Variants in AIF1 observed in about 807,000 individuals in gnomAD.
The protein encoded by AIF1 is allograft inflammatory factor 1.
Under a neutral mutation model 20.6 loss-of-function variants are expected in AIF1, and 21 were observed. The observed-to-expected ratio is 1.02, with a 90% CI of 0.72 to 1.47. The LOEUF is 1.47. Among genes scored for constraint, AIF1 ranks in the 40% most tolerant of loss-of-function variants. The pLI is 0.00. For synonymous variants in AIF1, 52 were observed against 65.8 expected (o/e 0.79, Z 1.01); for missense variants, 161 against 170.5 (o/e 0.94, Z 0.31).
Position 31,615,601 on chromosome 6 carries a change from G to T in AIF1, c.87+19G>T, listed in dbSNP as rs1262412639. 2 of 1,613,742 alleles carry T rather than the reference G, an allele frequency of 1.2e-6. No homozygotes were observed. The highest frequency in any genetic ancestry group is 1.7e-5 in the Admixed American group (1 of 59,968). On this transcript the variant is annotated intron_variant, in intron 2 of 5. Coordinates refer to ENST00000376059, the MANE Select transcript of AIF1 (RefSeq NM_001623.5). ...CAACAAGGTAGAAGGAAGAACTAAG[G>T]GGGCAGAGCCAGGGGGATGGGGCGT...
In AIF1 at chr6:31,615,676, C is replaced by T. The variant is rs148658163; in HGVS notation, c.94C>T (p.Leu32=). The T allele has an allele frequency of 7.8e-5, 126 of 1,613,088 alleles. No individual in the cohort carries two copies. The highest frequency in any genetic ancestry group is 1.7e-4 in the Middle Eastern group (1 of 6,052). ...CTTATTTTCCCCTCCATAGCAATTC[C>T]TAGACGATCCCAAATATAGCAGTGA... The part of the protein sequence containing the change: ...ERLDEINKQF[L]DDPKYSSDED... The change falls in exon 3 of 6, where the codon CTA becomes TTA. Residue 32 remains leucine, a synonymous_variant. Transcript: ENST00000376059.
At chr6:31,615,495 G>C (rs1774244981) in intron 1 of AIF1, 26 bp from the exon 2 acceptor site, 1 of 1,613,700 alleles carries the variant, frequency 6.2e-7, no homozygotes, top group African/African-American at 1.3e-5. Flanking sequence ...AGGGATGAGG[G>C]CTGATTAATT....
At position 31,616,232 on chromosome 6, in the gene AIF1, TTGGGAGGGGGCCCACCTACCACAG is replaced by T; in HGVS notation, c.196+95_197-81del. 6.2e-7 allele frequency: 1 copy of T among 1,613,036 alleles called. No individual in the cohort carries two copies. Among genetic ancestry groups the T allele is most frequent in the Non-Finnish European group, 8.5e-7 (1 of 1,179,974 alleles). On this transcript the variant is annotated intron_variant, in intron 4 of 5. Transcript: ENST00000376059. This position sits in a 1 kb window ranked among gnomAD's most constrained non-coding sequence, Gnocchi z 4.0. Reference sequence around the variant, plus strand: ...TCCTACATGCTCCATTCCTCATGATTTGGGAGGGGGCCCACCTACCACAGTGGGAGGAAGGAGAATGGGGATGCG... The same window carrying T: ...TCCTACATGCTCCATTCCTCATGATTTGGGAGGAAGGAGAATGGGGATGCG...
rs973293415 is a variant in AIF1 at position 31,616,594 on chromosome 6, C to T, written c.359+88C>T. 14 of 1,523,082 alleles carry T rather than the reference C, an allele frequency of 9.2e-6. No homozygotes were observed. Among genetic ancestry groups the T allele is most frequent in the African/African-American group, 8.3e-5 (6 of 72,092 alleles). The allele number at this position is 1,523,082 out of a possible 1,614,324, so 94.3% of individuals were successfully genotyped here. A position where few individuals can be genotyped will look rare whatever the true frequency, so the allele number is the denominator to read the frequency against. On this transcript the variant is annotated intron_variant, in intron 5 of 5. Coordinates refer to ENST00000376059, the MANE Select transcript of AIF1 (RefSeq NM_001623.5). This position sits in a 1 kb window ranked among gnomAD's most constrained non-coding sequence, Gnocchi z 4.0. The stretch of plus-strand genomic sequence containing the variant: ...TGTCCACAGGCTCAACATTTCTACA[C>T]GTTGCCCATCATCCCTTCTTCCATC...
Position 31,616,550 on chromosome 6 carries a change from C to T in AIF1, c.359+44C>T. On this transcript the variant is annotated intron_variant, in intron 5 of 5. Coordinates refer to ENST00000376059, the MANE Select transcript of AIF1 (RefSeq NM_001623.5). The surrounding 1 kb of genome is among the most constrained non-coding windows in gnomAD (Gnocchi z 4.0). ...CCTCCCCTGTACTTACCTGTTTTCT[C>T]CTCCCCCATCCCTACCCTTGTCCAC... The T allele has an allele frequency of 6.4e-7, 1 of 1,556,806 alleles. No homozygotes were observed. Among genetic ancestry groups the T allele is most frequent in the Non-Finnish European group, 8.7e-7 (1 of 1,152,532 alleles).
In AIF1 at chr6:31,616,858, A is replaced by C. The variant is rs777409889; in HGVS notation, c.402A>C (p.Pro134=). The C allele has an allele frequency of 4.2e-5, 67 of 1,614,128 alleles. No homozygotes were observed. The Admixed American group carries it at 9.2e-4, about 22-fold the overall frequency. The part of the protein sequence containing the change: ...YEEKAREKEK[P]TGPPAKKAIS... The stretch of plus-strand genomic sequence containing the variant: ...AAAAAGCGAGAGAAAAGGAAAAGCC[A>C]ACAGGCCCCCCAGCCAAGAAAGCTA... Residue 134 remains proline (P), a synonymous_variant, in exon 6 of 6, where the codon CCA becomes CCC. Coordinates refer to ENST00000376059, the MANE Select transcript of AIF1 (RefSeq NM_001623.5). The surrounding 1 kb of genome is among the most constrained non-coding windows in gnomAD (Gnocchi z 4.0).
chr6:31,615,837 T>C, intron 3 of AIF1, 101 bp downstream of exon 3: 1 of 1,527,020 alleles, frequency 6.5e-7, no homozygotes, highest in Non-Finnish European at 8.8e-7. Flanking sequence ...AAGTTTACTT[T>C]TGTGGTAGCA....
chr6:31,615,845 G>T, intron 3 of AIF1, 109 bp downstream of exon 3: 1 of 1,519,640 alleles, frequency 6.6e-7, no homozygotes, highest in South Asian at 1.2e-5. Flanking sequence ...TTTTGTGGTA[G>T]CAAAAGGGGA....
At position 31,617,010 on chromosome 6, in the gene AIF1, C is replaced by T; in HGVS notation, c.*110C>T. ...CAACAAATTAAATAAATTACCCCCT[C>T]CTCCAGATCAAGTCAGCTTAGTTTT... On this transcript the variant is annotated 3_prime_UTR_variant, in exon 6 of 6. Coordinates refer to ENST00000376059, the MANE Select transcript of AIF1 (RefSeq NM_001623.5). 6.9e-7 allele frequency: 1 copy of T among 1,457,302 alleles called. No homozygotes were observed. The highest frequency in any genetic ancestry group is 1.3e-5 in the South Asian group (1 of 79,850). The allele number at this position is 1,457,302 out of a possible 1,614,324, so 90.3% of individuals were successfully genotyped here. A position where few individuals can be genotyped will look rare whatever the true frequency, so the allele number is the denominator to read the frequency against.
In AIF1 at chr6:31,616,240, G is replaced by C; in HGVS notation, c.196+95G>C. ...GCTCCATTCCTCATGATTTGGGAGG[G>C]GGCCCACCTACCACAGTGGGAGGAA... is the stretch of plus-strand genomic sequence containing the variant. On this transcript the variant is annotated intron_variant, in intron 4 of 5. Transcript: ENST00000376059. This position sits in a 1 kb window ranked among gnomAD's most constrained non-coding sequence, Gnocchi z 4.0. 2 of 1,613,076 alleles carry C rather than the reference G, an allele frequency of 1.2e-6. No homozygotes were observed.
rs973845340 is a variant in AIF1, at chr6:31,616,206, C to T, written c.196+61C>T. 6.2e-7 allele frequency: 1 copy of T among 1,613,124 alleles called. No homozygotes were observed. The highest frequency in any genetic ancestry group is 1.3e-5 in the African/African-American group (1 of 74,924). On this transcript the variant is annotated intron_variant, in intron 4 of 5. Coordinates refer to ENST00000376059, the MANE Select transcript of AIF1 (RefSeq NM_001623.5). This position sits in a 1 kb window ranked among gnomAD's most constrained non-coding sequence, Gnocchi z 4.0. ...TGCAGGCCTAAGAAGACAGAGGTCTCTCCTACATGCTCCATTCCTCATGAT... is the reference window on the plus strand; with the variant it reads ...TGCAGGCCTAAGAAGACAGAGGTCTTTCCTACATGCTCCATTCCTCATGAT...
chr6:31,615,664 C>T lies in AIF1; in HGVS notation c.88-6C>T. The T allele has an allele frequency of 1.9e-6, 3 of 1,613,142 alleles. No homozygotes were observed. Among genetic ancestry groups the T allele is most frequent in the Non-Finnish European group, 2.5e-6 (3 of 1,179,832 alleles). Reference sequence around the variant, plus strand: ...CCTACCCTGGCTCTTATTTTCCCCTCCATAGCAATTCCTAGACGATCCCAA... The same window carrying T: ...CCTACCCTGGCTCTTATTTTCCCCTTCATAGCAATTCCTAGACGATCCCAA... On this transcript the variant is annotated splice_region_variant and splice_polypyrimidine_tract_variant and intron_variant, in intron 2 of 5. Transcript: ENST00000376059.
Position 31,616,154 on chromosome 6 carries a change from C to A in AIF1, c.196+9C>A. On this transcript the variant is annotated intron_variant, in intron 4 of 5. Transcript: ENST00000376059. The surrounding 1 kb of genome is among the most constrained non-coding windows in gnomAD (Gnocchi z 4.0). ...TGGAAATGGCGATATTGGTGAGAAACGGGTGATTTGCGGGGGCAGGGTGGT... is the reference window on the plus strand; with the variant it reads ...TGGAAATGGCGATATTGGTGAGAAAAGGGTGATTTGCGGGGGCAGGGTGGT... 6.2e-7 allele frequency: 1 copy of A among 1,610,156 alleles called. No individual in the cohort carries two copies. Among genetic ancestry groups the A allele is most frequent in the Non-Finnish European group, 8.5e-7 (1 of 1,178,296 alleles).
At position 31,616,222 on chromosome 6, in the gene AIF1, T is replaced by G. The variant is rs536171941; in HGVS notation, c.196+77T>G. 26 of 1,613,098 alleles carry G rather than the reference T, an allele frequency of 1.6e-5. No homozygotes were observed. The African/African-American group carries it at 3.2e-4, about 20-fold the overall frequency. On this transcript the variant is annotated intron_variant, in intron 4 of 5. Coordinates refer to ENST00000376059, the MANE Select transcript of AIF1 (RefSeq NM_001623.5). This position sits in a 1 kb window ranked among gnomAD's most constrained non-coding sequence, Gnocchi z 4.0. ...CAGAGGTCTCTCCTACATGCTCCAT[T>G]CCTCATGATTTGGGAGGGGGCCCAC...
Position 31,615,602 on chromosome 6 carries a change from G to C in AIF1, c.87+20G>C, listed in dbSNP as rs200162162. The C allele has an allele frequency of 6.2e-7, 1 of 1,613,802 alleles. No homozygotes were observed. Among genetic ancestry groups the C allele is most frequent in the African/African-American group, 1.3e-5 (1 of 74,962 alleles). ...AACAAGGTAGAAGGAAGAACTAAGG[G>C]GGCAGAGCCAGGGGGATGGGGCGTG... On this transcript the variant is annotated intron_variant, in intron 2 of 5. Transcript: ENST00000376059.
In AIF1 at chr6:31,616,918, T is replaced by G; in HGVS notation, c.*18T>G. The stretch of plus-strand genomic sequence containing the variant: ...TGCCCTGATTTGAAGGGAAAAGGGA[T>G]GATGGGATTGAAGGGGCTTCTAATG... On this transcript the variant is annotated 3_prime_UTR_variant, in exon 6 of 6. Transcript: ENST00000376059. The surrounding 1 kb of genome is among the most constrained non-coding windows in gnomAD (Gnocchi z 4.0). The G allele has an allele frequency of 6.2e-7, 1 of 1,614,142 alleles. No homozygotes were observed. Among genetic ancestry groups the G allele is most frequent in the Non-Finnish European group, 8.5e-7 (1 of 1,180,000 alleles).
Position 31,616,273 on chromosome 6 carries a change from G to A in AIF1, c.197-71G>A. ...CTACCACAGTGGGAGGAAGGAGAAT[G>A]GGGATGCGGAAGTGGGAGAGGAGAG... On this transcript the variant is annotated intron_variant, in intron 4 of 5. Transcript: ENST00000376059. The surrounding 1 kb of genome is among the most constrained non-coding windows in gnomAD (Gnocchi z 4.0). 1 of 1,612,944 alleles carries A rather than the reference G, an allele frequency of 6.2e-7. No homozygotes were observed. The highest frequency in any genetic ancestry group is 8.5e-7 in the Non-Finnish European group (1 of 1,179,930).
Position 31,616,763 on chromosome 6 carries a change from T to C in AIF1, c.360-53T>C. 6.2e-7 allele frequency: 1 copy of C among 1,613,296 alleles called. No homozygotes were observed. The highest frequency in any genetic ancestry group is 8.5e-7 in the Non-Finnish European group (1 of 1,179,564). On this transcript the variant is annotated intron_variant, in intron 5 of 5. Coordinates refer to ENST00000376059, the MANE Select transcript of AIF1 (RefSeq NM_001623.5). This position sits in a 1 kb window ranked among gnomAD's most constrained non-coding sequence, Gnocchi z 4.0. The stretch of plus-strand genomic sequence containing the variant: ...GCCTTTCCTAGCACCCTATGATTTA[T>C]TCCCTTGAGAGGAGTGTTCCCTGAT...
rs760448797 is a variant in AIF1 at position 31,615,658 on chromosome 6, T to C, written c.88-12T>C. ...GGAGGGCCTACCCTGGCTCTTATTT[T>C]CCCCTCCATAGCAATTCCTAGACGA... On this transcript the variant is annotated splice_polypyrimidine_tract_variant and intron_variant, in intron 2 of 5. Transcript: ENST00000376059. 6.2e-7 allele frequency: 1 copy of C among 1,613,006 alleles called. No homozygotes were observed. The highest frequency in any genetic ancestry group is 1.1e-5 in the South Asian group (1 of 91,018).
Sources: gnomAD v4.1 joint callset for allele counts on GRCh38, gnomAD v4.1.1 for gene constraint, Gnocchi (gnomAD v3.1) non-coding constraint, MANE v1.5 for transcripts, NCBI Gene and HGNC (gene_info 2026-07-23, HGNC 2026-07-21) for gene names.